PKP4: variants seen among roughly 807,000 people sequenced by gnomAD.
PKP4 encodes plakophilin-4.
Under a neutral mutation model 145.1 loss-of-function variants are expected in PKP4, and 90 were observed. The observed-to-expected ratio is 0.62, with a 90% CI of 0.52 to 0.74. The LOEUF (loss-of-function observed/expected upper bound fraction) is 0.74, where lower values mean the gene tolerates loss of function less well. Among genes scored for constraint, PKP4 ranks in the 30% least tolerant of loss-of-function variants. PKP4 has a pLI of 0.00. For synonymous variants in PKP4, 563 were observed against 577.2 expected (o/e 0.98, Z 0.35); for missense variants, 1,340 against 1,482.7 (o/e 0.90, Z 1.58).
intron 3 of PKP4, among the ~76,000 whole-genome samples, chr2:158,594,179 C>T (rs765987054): frequency 5.9e-5 from 9 of 152,070 alleles, no homozygotes; most frequent in South Asian, 2.1e-4. Flanking sequence ...GATGGATTGA[C>T]GCAGAGCCTC....
At position 158,563,012 on chromosome 2, in the gene PKP4, A is replaced by G. The variant is rs554210321; in HGVS notation, c.133-14259A>G. 3.7e-4 allele frequency among the ~76,000 whole-genome samples: 56 copies of G among 152,334 alleles called. 1 individual carries two copies. The highest frequency in any genetic ancestry group is 6.8e-3 in the Middle Eastern group (2 of 294). On this transcript the variant is annotated intron_variant, in intron 2 of 21. Coordinates refer to ENST00000389759, the MANE Select transcript of PKP4 (RefSeq NM_003628.6). Reference sequence around the variant, plus strand: ...TAAGCCAAAAAGCATCTTTCTAAAGATACCAGTTCTTTATTAAATCCTGTG... The same window carrying G: ...TAAGCCAAAAAGCATCTTTCTAAAGGTACCAGTTCTTTATTAAATCCTGTG...
intron 2 of PKP4, among the ~76,000 whole-genome samples, chr2:158,542,662 A>G (rs752193211): frequency 2.8e-4 from 42 of 152,190 alleles, no homozygotes; most frequent in African/African-American, 7.7e-4. Flanking sequence ...CAGAAATGCA[A>G]AGAATGGATC....
intron 1 of PKP4, among the ~76,000 whole-genome samples, chr2:158,514,728 G>A (rs550865171): frequency 1.3e-4 from 20 of 152,268 alleles, no homozygotes; most frequent in Middle Eastern, 3.4e-3. Context: ...ATCACCTGAG[G>A]TCAGGAGTTC....
At chr2:158,570,826 A>G (rs2047356718) in intron 2 of PKP4, among the ~76,000 whole-genome samples, 1 of 152,232 alleles carries the variant, frequency 6.6e-6, no homozygotes. Flanking sequence ...TTAAAGAAAA[A>G]TACTCAATGA....
intron 2 of PKP4, among the ~76,000 whole-genome samples, chr2:158,574,701 G>C (rs918741466): frequency 6.6e-6 from 1 of 152,144 alleles, no homozygotes; most frequent in Non-Finnish European, 1.5e-5. Context: ...ATAGCTTCTT[G>C]ATATTCTGCT....
At chr2:158,595,345 G>A (rs1360317789) in intron 3 of PKP4, among the ~76,000 whole-genome samples, 1 of 152,104 alleles carries the variant, frequency 6.6e-6, no homozygotes, top group Non-Finnish European at 1.5e-5. Flanking sequence ...TGAGCTCACG[G>A]ACATTCTTCT....
intron 11 of PKP4, among the ~76,000 whole-genome samples, chr2:158,643,838 T>C (rs1159479797): frequency 6.6e-6 from 1 of 152,170 alleles, no homozygotes; most frequent in African/African-American, 2.4e-5. Context: ...TGATCTGAGC[T>C]CACTGCAACC....
chr2:158,548,682 C>T (rs966982069), intron 2 of PKP4: 31 of 186,230 alleles, frequency 1.7e-4, no homozygotes, highest in African/African-American at 6.4e-4. Context: ...CAGTTCACCC[C>T]GGCCGTGGAC....
chr2:158,485,924 ATTTTGTTG>A (rs961979205), intron 1 of PKP4, among the ~76,000 whole-genome samples: 6 of 152,192 alleles, frequency 3.9e-5, no homozygotes, highest in Admixed American at 1.3e-4. Flanking sequence ...GTAAATTGTT[ATTTTGTTG>A]AAAACCTTTT....
At chr2:158,593,800 A>G (rs796872941) in intron 3 of PKP4, among the ~76,000 whole-genome samples, 16 of 152,316 alleles carry the variant, frequency 1.1e-4, no homozygotes, top group African/African-American at 3.8e-4. Context: ...GCACAAAGGA[A>G]AAGTAGAATG....
intron 12 of PKP4, 140 bp downstream of exon 12, chr2:158,658,454 G>T (rs1575019852): frequency 1.8e-6 from 1 of 566,748 alleles, no homozygotes; most frequent in South Asian, 2.5e-5. Flanking sequence ...ACTGGACTTT[G>T]TTATTCTGGG....
chr2:158,473,308 G>A (rs1224155600), intron 1 of PKP4, among the ~76,000 whole-genome samples: 1 of 152,112 alleles, frequency 6.6e-6, no homozygotes, highest in Non-Finnish European at 1.5e-5. Context: ...CCACTACTGG[G>A]TATATACCCA....
intron 11 of PKP4, among the ~76,000 whole-genome samples, chr2:158,644,977 A>G (rs985194764): frequency 1.3e-5 from 2 of 152,234 alleles, no homozygotes; most frequent in African/African-American, 4.8e-5. Context: ...CCACTGTGAA[A>G]TCAGAGTTGT....
chr2:158,517,256 A>T (rs2105549766), intron 1 of PKP4, among the ~76,000 whole-genome samples: 1 of 152,326 alleles, frequency 6.6e-6, no homozygotes, highest in African/African-American at 2.4e-5. Flanking sequence ...AGGTTTTTAG[A>T]AATCTATTGA....
chr2:158,576,117 C>T (rs1477072440), intron 2 of PKP4, among the ~76,000 whole-genome samples: 1 of 152,172 alleles, frequency 6.6e-6, no homozygotes, highest in Non-Finnish European at 1.5e-5. Context: ...AGTTTAGGGA[C>T]TGTTTCTTAA....
intron 1 of PKP4, among the ~76,000 whole-genome samples, chr2:158,516,354 C>T (rs1299912447): frequency 6.6e-6 from 1 of 152,136 alleles, no homozygotes; most frequent in Non-Finnish European, 1.5e-5. Flanking sequence ...TTAAGAGGAA[C>T]CATGTTCTGC....
intron 1 of PKP4, 143 bp from the exon 2 acceptor site, chr2:158,533,037 T>G: frequency 1.4e-6 from 1 of 713,944 alleles, no homozygotes; most frequent in Non-Finnish European, 2.2e-6. Context: ...GTTACCTGTT[T>G]AGAAAATTTA....
intron 1 of PKP4, among the ~76,000 whole-genome samples, chr2:158,529,599 C>G (rs1455561421): frequency 6.6e-6 from 1 of 152,168 alleles, no homozygotes; most frequent in Non-Finnish European, 1.5e-5. Context: ...ATTGTAAGCT[C>G]ACTTAAACGC....
chr2:158,512,422 A>AGC (rs1464566629), intron 1 of PKP4, among the ~76,000 whole-genome samples: 6 of 152,246 alleles, frequency 3.9e-5, no homozygotes, highest in African/African-American at 1.4e-4. Flanking sequence ...GCCATTGCAC[A>AGC]GCAGTGGTAG....
Sources: allele counts gnomAD v4.1 joint callset (sites outside exome capture counted in the v4.1 genomes callset), GRCh38; gene constraint gnomAD v4.1.1; transcripts MANE v1.5; gene names NCBI Gene and HGNC (gene_info 2026-07-23, HGNC 2026-07-21).